The following ATXN7L1 variants were observed in gnomAD, a reference collection of about 807,000 sequenced individuals.
The protein encoded by ATXN7L1 is ataxin 7 like 1.
In ATXN7L1, 15 loss-of-function variants were observed where a neutral mutation model predicts 70.8. The ratio of observed to expected loss-of-function variants is 0.21; its 90% confidence interval spans 0.14 to 0.33. ATXN7L1 has a LOEUF of 0.33. ATXN7L1 is among the 10% of genes least tolerant of loss of function. The pLI, the probability that ATXN7L1 is intolerant of heterozygous loss-of-function variation, is 1.00. For missense variants in ATXN7L1, 975 were observed against 1,097.1 expected, an observed-to-expected ratio of 0.89 and a Z score of 1.57; for synonymous variants, 440 against 445.1, an observed-to-expected ratio of 0.99 and a Z score of 0.14.
intron 6 of ATXN7L1, among the ~76,000 whole-genome samples, chr7:105,638,972 G>C (rs545510788): frequency 1.2e-4 from 19 of 152,298 alleles, no homozygotes; most frequent in Admixed American, 9.8e-4. Context: ...CCACCAAGCA[G>C]AGAGGGCCAT....
intron 2 of ATXN7L1, among the ~76,000 whole-genome samples, chr7:105,844,234 G>A (rs1813640231): frequency 6.6e-6 from 1 of 152,084 alleles, no homozygotes; most frequent in East Asian, 1.9e-4. Context: ...GAGTCACAAG[G>A]AACACTCTCC....
At chr7:105,730,175 T>A (rs1796371633) in intron 3 of ATXN7L1, among the ~76,000 whole-genome samples, 1 of 152,228 alleles carries the variant, frequency 6.6e-6, no homozygotes, top group South Asian at 2.1e-4. Context: ...CCTCAAACAC[T>A]ACCTCAGTCA....
intron 4 of ATXN7L1, among the ~76,000 whole-genome samples, chr7:105,664,792 C>T (rs549964654): frequency 9.7e-4 from 147 of 151,910 alleles, no homozygotes; most frequent in African/African-American, 3.4e-3. Flanking sequence ...GTTTCAAACT[C>T]CTGACCTCAG....
intron 3 of ATXN7L1, among the ~76,000 whole-genome samples, chr7:105,673,917 C>T (rs1804191575): frequency 6.6e-6 from 1 of 152,212 alleles, no homozygotes; most frequent in Non-Finnish European, 1.5e-5. Flanking sequence ...TTGAATCAGC[C>T]TTGCTCAGCA....
intron 10 of ATXN7L1, 45 bp downstream of exon 10, chr7:105,613,817 C>T (rs888353506): frequency 1.3e-6 from 2 of 1,551,632 alleles, no homozygotes; most frequent in South Asian, 1.2e-5. Context: ...CCCAGCTCCC[C>T]CTGCCCCCCA....
At chr7:105,691,277 T>C (rs745958929) in intron 3 of ATXN7L1, among the ~76,000 whole-genome samples, 24 of 152,206 alleles carry the variant, frequency 1.6e-4, no homozygotes, top group Non-Finnish European at 2.4e-4. Context: ...ACTTTCATTT[T>C]ACTCCGTTTG....
At chr7:105,694,324 G>C (rs561884572) in intron 3 of ATXN7L1, among the ~76,000 whole-genome samples, 2 of 152,316 alleles carry the variant, frequency 1.3e-5, no homozygotes, top group South Asian at 4.1e-4. Flanking sequence ...GGGAGTACAG[G>C]TGTGAGCCAC....
intron 4 of ATXN7L1, among the ~76,000 whole-genome samples, chr7:105,647,215 G>C (rs1318983541): frequency 6.6e-6 from 1 of 152,218 alleles, no homozygotes. Context: ...CTTGTTGCAT[G>C]AGCTGGTACG....
intron 2 of ATXN7L1, among the ~76,000 whole-genome samples, chr7:105,849,059 C>T (rs112139444): frequency 1.3e-5 from 2 of 152,244 alleles, no homozygotes; most frequent in African/African-American, 4.8e-5. Flanking sequence ...CCTAACCCCA[C>T]GACACAGCAG....
At chr7:105,716,665 GCACACA>G (rs58217531) in intron 3 of ATXN7L1, among the ~76,000 whole-genome samples, 10,366 of 124,632 alleles carry the variant, frequency 0.083, 509 homozygotes, top group Non-Finnish European at 0.1. Context: ...ACCTATCTCT[GCACACA>G]CACACACACA....
chr7:105,740,383 C>T (rs922218600), intron 3 of ATXN7L1, among the ~76,000 whole-genome samples: 1 of 152,186 alleles, frequency 6.6e-6, no homozygotes, highest in African/African-American at 2.4e-5. Flanking sequence ...ATCACAGAGG[C>T]AATGTGCACT....
intron 3 of ATXN7L1, among the ~76,000 whole-genome samples, chr7:105,783,531 A>G (rs1803842616): frequency 6.6e-6 from 1 of 152,134 alleles, no homozygotes; most frequent in African/African-American, 2.4e-5. Context: ...ACCAATGGCC[A>G]ATGATTTAAC....
At chr7:105,692,168 G>T (rs959497382) in intron 3 of ATXN7L1, among the ~76,000 whole-genome samples, 5 of 152,100 alleles carry the variant, frequency 3.3e-5, no homozygotes, top group Non-Finnish European at 7.4e-5. Context: ...CTGGTTGGGG[G>T]AGGGGGAGGT....
chr7:105,863,517 G>C (rs1412546081), intron 2 of ATXN7L1, among the ~76,000 whole-genome samples: 2 of 152,220 alleles, frequency 1.3e-5, no homozygotes, highest in Admixed American at 1.3e-4. Flanking sequence ...AGAAGCCCAC[G>C]TGAGCCCCTC....
intron 3 of ATXN7L1, among the ~76,000 whole-genome samples, chr7:105,762,552 C>A (rs1336215550): frequency 6.6e-6 from 1 of 152,176 alleles, no homozygotes. Flanking sequence ...TCTAATGCCC[C>A]TTCCCCTACC....
chr7:105,632,997 G>GA (rs752311270), intron 7 of ATXN7L1, among the ~76,000 whole-genome samples: 35 of 139,904 alleles, frequency 2.5e-4, no homozygotes, highest in Admixed American at 8.1e-4. Context: ...AGTCTTCAGA[G>GA]AAAAAAAACT....
At chr7:105,808,215 C>T (rs1471498552) in intron 2 of ATXN7L1, among the ~76,000 whole-genome samples, 4 of 152,210 alleles carry the variant, frequency 2.6e-5, no homozygotes. Flanking sequence ...CAGTGGCATG[C>T]TTTTGCCATT....
At chr7:105,862,923 C>G (rs186403956) in intron 2 of ATXN7L1, among the ~76,000 whole-genome samples, 42 of 152,262 alleles carry the variant, frequency 2.8e-4, no homozygotes, top group African/African-American at 9.6e-4. Context: ...ACTGCCCTCT[C>G]AGAGACAGTG....
intron 3 of ATXN7L1, among the ~76,000 whole-genome samples, chr7:105,770,654 C>T (rs1801857698): frequency 6.6e-6 from 1 of 152,108 alleles, no homozygotes; most frequent in South Asian, 2.1e-4. Context: ...TCACTTTTAG[C>T]CAGTCTGATC....
Sources: allele counts gnomAD v4.1 joint callset (sites outside exome capture counted in the v4.1 genomes callset), GRCh38; gene constraint gnomAD v4.1.1; transcripts MANE v1.5; gene names NCBI Gene and HGNC (gene_info 2026-07-23, HGNC 2026-07-21).